The following NSUN6 variants were observed in gnomAD, a reference collection of about 807,000 sequenced individuals.
NSUN6 encodes the protein NOP2/Sun RNA methyltransferase 6.
NSUN6 carries 64 observed loss-of-function variants against 58.0 expected under a neutral mutation model. The observed-to-expected ratio is 1.10, with a 90% CI of 0.90 to 1.36. NSUN6 has a LOEUF of 1.36. Among genes scored for constraint, NSUN6 ranks in the 40% most tolerant of loss-of-function variants. NSUN6 has a pLI of 0.00. For missense variants in NSUN6, 701 were observed against 550.1 expected (o/e 1.27, Z -2.74); for synonymous variants, 231 against 193.9 (o/e 1.19, Z -1.59).
Position 18,614,587 on chromosome 10 carries a change from C to T in NSUN6, c.448G>A (p.Val150Ile). 6.9e-7 allele frequency: 1 copy of T among 1,451,852 alleles called. No homozygotes were observed. The highest frequency in any genetic ancestry group is 2.4e-5 in the Admixed American group (1 of 42,350). The allele number at this position is 1,451,852 out of a possible 1,614,324, so 89.9% of individuals were successfully genotyped here. Residue 150 changes from valine to isoleucine, a missense_variant, in exon 5 of 11, where the codon GTA (valine) becomes ATA (isoleucine). Physicochemically the swap from Val to Ile is conservative, Grantham distance 29 (BLOSUM62 3). Transcript: ENST00000377304. ...QFMKAGDVISVYSDIKGKCKK... is the reference protein window; with the variant it reads ...QFMKAGDVISIYSDIKGKCKK... ...CATTTTCCTTTAATATCAGAGTATACAGAAATAACATCTCCAGCTTTCATA... is the reference window on the plus strand; with the variant it reads ...CATTTTCCTTTAATATCAGAGTATATAGAAATAACATCTCCAGCTTTCATA...
Position 18,651,247 on chromosome 10 carries a change from C to A in NSUN6, c.-44G>T. 1.3e-6 allele frequency: 2 copies of A among 1,498,828 alleles called. No individual in the cohort carries two copies. The highest frequency in any genetic ancestry group is 8.9e-7 in the Non-Finnish European group (1 of 1,129,396). The allele number at this position is 1,498,828 out of a possible 1,614,324, so 92.8% of individuals were successfully genotyped here. ...CTCCACCAAGAGAAATGCTGGAAAA[C>A]GGTGTTTTGTTTTTTTTTTTCTTTC... On this transcript the variant is annotated 5_prime_UTR_variant, in exon 1 of 11. Coordinates refer to ENST00000377304, the MANE Select transcript of NSUN6 (RefSeq NM_182543.5).
chr10:18,547,501 G>A (rs909848941), intron 10 of NSUN6, among the ~76,000 whole-genome samples: 3 of 152,120 alleles, frequency 2.0e-5, no homozygotes, highest in Non-Finnish European at 4.4e-5. Flanking sequence ...GTATCTGAAT[G>A]TATGCGAGCA....
At position 18,596,133 on chromosome 10, in the gene NSUN6, C is replaced by T. The variant is rs978009481; in HGVS notation, c.777+75G>A. 2.7e-5 allele frequency: 34 copies of T among 1,260,958 alleles called. No individual in the cohort carries two copies. In the Admixed American group the frequency reaches 6.0e-4, roughly 22 times the overall value. The allele number at this position is 1,260,958 out of a possible 1,614,324, so 78.1% of individuals were successfully genotyped here. The stretch of plus-strand genomic sequence containing the variant: ...CTGAACTAAATGAGACTGTGAATGG[C>T]TCTATGTTTCAGAAATTACACATTG... On this transcript the variant is annotated intron_variant, in intron 7 of 10. Coordinates refer to ENST00000377304, the MANE Select transcript of NSUN6 (RefSeq NM_182543.5).
chr10:18,586,531 T>C (rs2057151431), intron 7 of NSUN6, among the ~76,000 whole-genome samples: 1 of 152,024 alleles, frequency 6.6e-6, no homozygotes, highest in African/African-American at 2.4e-5. Flanking sequence ...TCTTGCTGAC[T>C]TGGGGAGTGA....
intron 3 of NSUN6, among the ~76,000 whole-genome samples, chr10:18,625,572 G>C (rs1309990431): frequency 6.6e-6 from 1 of 151,814 alleles, no homozygotes; most frequent in Non-Finnish European, 1.5e-5. Context: ...AGTCAGCCGG[G>C]TATGGTGGTG....
At chr10:18,604,882 T>C (rs1590038539) in intron 6 of NSUN6, among the ~76,000 whole-genome samples, 1 of 150,142 alleles carries the variant, frequency 6.7e-6, no homozygotes, top group Non-Finnish European at 1.5e-5. Flanking sequence ...CAAGACTCTT[T>C]CTTTTTTTTT....
chr10:18,570,704 T>A (rs1394545998), intron 8 of NSUN6, among the ~76,000 whole-genome samples: 6 of 97,976 alleles, frequency 6.1e-5, no homozygotes, highest in Admixed American at 1.3e-4. Context: ...TTCCATTCCA[T>A]TCTCTATTCC....
At chr10:18,639,763 C>T (rs2059336601) in intron 3 of NSUN6, among the ~76,000 whole-genome samples, 1 of 152,154 alleles carries the variant, frequency 6.6e-6, no homozygotes, top group African/African-American at 2.4e-5. Context: ...GTTAAATCAT[C>T]CAAATATTTT....
At chr10:18,581,642 T>C (rs1455311044) in intron 8 of NSUN6, among the ~76,000 whole-genome samples, 4 of 152,034 alleles carry the variant, frequency 2.6e-5, no homozygotes, top group Non-Finnish European at 5.9e-5. Flanking sequence ...GTGGCCAACA[T>C]GGTGAAACCC....
At chr10:18,571,808 A>C (rs2056382538) in intron 8 of NSUN6, among the ~76,000 whole-genome samples, 1 of 144,234 alleles carries the variant, frequency 6.9e-6, no homozygotes, top group African/African-American at 2.6e-5. Context: ...CCATTCCATT[A>C]CACTGCATTC....
At chr10:18,623,373 G>A (rs140720082) in intron 3 of NSUN6, among the ~76,000 whole-genome samples, 1 of 152,144 alleles carries the variant, frequency 6.6e-6, no homozygotes, top group South Asian at 2.1e-4. Context: ...AATCTGAGGA[G>A]AAAATTCCAT....
intron 8 of NSUN6, among the ~76,000 whole-genome samples, chr10:18,568,031 T>G (rs1405047938): frequency 2.6e-5 from 4 of 151,222 alleles, no homozygotes; most frequent in Non-Finnish European, 5.9e-5. Context: ...CATTCTATTC[T>G]CCATTGCATT....
intron 8 of NSUN6, among the ~76,000 whole-genome samples, chr10:18,584,988 G>A (rs1269693761): frequency 5.2e-5 from 4 of 77,630 alleles, no homozygotes; most frequent in Admixed American, 1.3e-4. Context: ...TTCAAAAATA[G>A]AGACCTATTA....
chr10:18,638,176 C>T (rs959469030), intron 3 of NSUN6, among the ~76,000 whole-genome samples: 7 of 152,184 alleles, frequency 4.6e-5, no homozygotes, highest in Admixed American at 3.9e-4. Context: ...GGTGAGGTGG[C>T]TCACACCTGT....
At chr10:18,621,881 GA>G (rs1483614235) in intron 3 of NSUN6, among the ~76,000 whole-genome samples, 2 of 152,174 alleles carry the variant, frequency 1.3e-5, no homozygotes, top group African/African-American at 4.8e-5. Context: ...GGTGATGGAT[GA>G]AACTGTGAAA....
intron 10 of NSUN6, among the ~76,000 whole-genome samples, chr10:18,546,926 G>A (rs944115942): frequency 1.1e-4 from 17 of 151,518 alleles, no homozygotes; most frequent in African/African-American, 3.6e-4. Context: ...GAGTGGGGAC[G>A]GGGAGGGGAA....
chr10:18,576,232 C>G (rs375343579), intron 8 of NSUN6, among the ~76,000 whole-genome samples: 13 of 152,238 alleles, frequency 8.5e-5, no homozygotes, highest in Admixed American at 7.9e-4. Context: ...TCACCTCAAA[C>G]TACTGCATTT....
intron 7 of NSUN6, among the ~76,000 whole-genome samples, chr10:18,588,693 A>G (rs2057265490): frequency 6.6e-6 from 1 of 152,224 alleles, no homozygotes; most frequent in Non-Finnish European, 1.5e-5. Context: ...GAGGCCTGTT[A>G]GAAGAAAAAC....
intron 6 of NSUN6, among the ~76,000 whole-genome samples, chr10:18,598,624 AC>A (rs920199294): frequency 6.6e-6 from 1 of 151,696 alleles, no homozygotes; most frequent in Non-Finnish European, 1.5e-5. Flanking sequence ...GGCACACATC[AC>A]CTCACTCAGC....
Sources: allele counts gnomAD v4.1 joint callset (sites outside exome capture counted in the v4.1 genomes callset), GRCh38; gene constraint gnomAD v4.1.1; transcripts MANE v1.5; gene names NCBI Gene and HGNC (gene_info 2026-07-23, HGNC 2026-07-21).